Variants in MIPOL1 observed in about 807,000 individuals in gnomAD.
The protein encoded by MIPOL1 is mirror-image polydactyly 1.
Under a neutral mutation model 60.9 loss-of-function variants are expected in MIPOL1, and 57 were observed. That is an observed-to-expected ratio of 0.94 (90% CI 0.76 to 1.17). MIPOL1 has a LOEUF of 1.17. MIPOL1 is among the 50% of genes most tolerant of loss of function. The probability of loss-of-function intolerance (pLI) is 0.00; values close to 1 mark genes in which losing one functional copy is unlikely to be tolerated. For missense variants in MIPOL1, 551 were observed against 511.6 expected (o/e 1.08, Z -0.74); for synonymous variants, 179 against 168.8 (o/e 1.06, Z -0.47).
At chr14:37,396,490 C>T (rs2093374331) in intron 10 of MIPOL1, among the ~76,000 whole-genome samples, 1 of 152,002 alleles carries the variant, frequency 6.6e-6, no homozygotes, top group Non-Finnish European at 1.5e-5. Context: ...CCAGATGTTC[C>T]TTGTGCTTCT....
At chr14:37,453,568 AT>A (rs891958429) in intron 11 of MIPOL1, among the ~76,000 whole-genome samples, 102 of 152,138 alleles carry the variant, frequency 6.7e-4, no homozygotes, top group African/African-American at 2.3e-3. Context: ...GTTTAGCTCC[AT>A]TTTTTCATTT....
intron 11 of MIPOL1, among the ~76,000 whole-genome samples, chr14:37,458,521 A>T (rs1018127122): frequency 1.3e-5 from 2 of 152,174 alleles, no homozygotes; most frequent in African/African-American, 4.8e-5. Context: ...AAGAGGAACT[A>T]TCAAAACTAT....
chr14:37,533,130 A>C (rs1345729644), intron 12 of MIPOL1, among the ~76,000 whole-genome samples: 6 of 152,120 alleles, frequency 3.9e-5, no homozygotes, highest in African/African-American at 1.4e-4. Flanking sequence ...CTGCCTTTTC[A>C]TGGTTATATA....
chr14:37,336,363 C>A (rs1025255960), intron 9 of MIPOL1, among the ~76,000 whole-genome samples: 1 of 149,284 alleles, frequency 6.7e-6, no homozygotes, highest in African/African-American at 2.4e-5. Context: ...TGTTATCATT[C>A]TCTTTTATTA....
chr14:37,427,796 T>C (rs1439949666), intron 11 of MIPOL1, among the ~76,000 whole-genome samples: 4 of 152,220 alleles, frequency 2.6e-5, no homozygotes, highest in African/African-American at 9.6e-5. Flanking sequence ...ACCTGGTAAA[T>C]GGTGCTTACA....
chr14:37,443,052 A>G (rs904985269), intron 11 of MIPOL1, among the ~76,000 whole-genome samples: 4 of 152,180 alleles, frequency 2.6e-5, no homozygotes, highest in Non-Finnish European at 5.9e-5. Context: ...GCAGACTCAA[A>G]CCTCTTGATT....
chr14:37,258,691 A>C (rs555549278), intron 3 of MIPOL1, among the ~76,000 whole-genome samples: 6 of 152,256 alleles, frequency 3.9e-5, no homozygotes, highest in African/African-American at 1.2e-4. Context: ...TTGCCTTCAT[A>C]TGGTGAAGGA....
intron 12 of MIPOL1, among the ~76,000 whole-genome samples, chr14:37,517,578 G>A (rs770499932): frequency 2.6e-5 from 4 of 152,126 alleles, no homozygotes; most frequent in Non-Finnish European, 4.4e-5. Flanking sequence ...ACCTCCATGC[G>A]TATGAAGCAA....
chr14:37,320,012 C>T (rs1052338537), intron 9 of MIPOL1, among the ~76,000 whole-genome samples: 26 of 152,000 alleles, frequency 1.7e-4, no homozygotes, highest in Admixed American at 6.6e-5. Flanking sequence ...GTGATGTTCC[C>T]TTGTGTGAAT....
intron 9 of MIPOL1, among the ~76,000 whole-genome samples, chr14:37,324,819 G>A (rs2088975790): frequency 6.6e-6 from 1 of 152,070 alleles, no homozygotes; most frequent in African/African-American, 2.4e-5. Context: ...CCCCCATTAA[G>A]TGGCTTTCAT....
At chr14:37,415,628 C>A (rs376106688) in intron 10 of MIPOL1, among the ~76,000 whole-genome samples, 1,776 of 126,366 alleles carry the variant, frequency 0.014, no homozygotes, top group Middle Eastern at 0.016. Context: ...GACTCTGTCT[C>A]AAAAAAAAAA....
At chr14:37,414,887 G>A (rs1245831734) in intron 10 of MIPOL1, among the ~76,000 whole-genome samples, 1 of 152,068 alleles carries the variant, frequency 6.6e-6, no homozygotes, top group Non-Finnish European at 1.5e-5. Context: ...AAAACAAGCA[G>A]AATGAACACT....
At chr14:37,329,587 G>A (rs564043873) in intron 9 of MIPOL1, among the ~76,000 whole-genome samples, 53 of 152,168 alleles carry the variant, frequency 3.5e-4, no homozygotes, top group African/African-American at 1.3e-3. Flanking sequence ...AATTAAGAAT[G>A]AGCACTTAAG....
At chr14:37,515,484 A>G (rs910763602) in intron 12 of MIPOL1, among the ~76,000 whole-genome samples, 2 of 152,134 alleles carry the variant, frequency 1.3e-5, no homozygotes, top group Non-Finnish European at 2.9e-5. Flanking sequence ...TTGGAACGTC[A>G]TCATCTTTTT....
intron 10 of MIPOL1, among the ~76,000 whole-genome samples, chr14:37,414,383 T>C (rs545386679): frequency 3.9e-5 from 6 of 152,202 alleles, no homozygotes; most frequent in Non-Finnish European, 7.3e-5. Flanking sequence ...TCTTCAATTG[T>C]GGGTGAAGTG....
rs537541831 is a variant in MIPOL1, at chr14:37,384,818, A to G, written c.936+15194A>G. The stretch of plus-strand genomic sequence containing the variant: ...ATCCCTGTTTTTTAAGGGCAATTTT[A>G]TACAATTATAAGTAATAGATTGATA... On this transcript the variant is annotated intron_variant, in intron 10 of 12. Coordinates refer to ENST00000684589, the MANE Select transcript of MIPOL1 (RefSeq NM_001388067.1). 3.9e-5 allele frequency among the ~76,000 whole-genome samples: 6 copies of G among 152,150 alleles called. No homozygotes were observed. In the East Asian group the frequency reaches 1.2e-3, roughly 29 times the overall value.
chr14:37,384,718 A>G (rs1162313705), intron 10 of MIPOL1, among the ~76,000 whole-genome samples: 1 of 151,990 alleles, frequency 6.6e-6, no homozygotes, highest in Non-Finnish European at 1.5e-5. Flanking sequence ...ATATGGTGAA[A>G]TATAAAGAAT....
At chr14:37,270,015 G>T (rs2083173255) in intron 5 of MIPOL1, among the ~76,000 whole-genome samples, 1 of 151,998 alleles carries the variant, frequency 6.6e-6, no homozygotes, top group Admixed American at 6.6e-5. Context: ...TTTTAGTAGA[G>T]ACGGGGTTTC....
chr14:37,452,899 C>G (rs1311302306), intron 11 of MIPOL1, among the ~76,000 whole-genome samples: 1 of 152,170 alleles, frequency 6.6e-6, no homozygotes, highest in Non-Finnish European at 1.5e-5. Flanking sequence ...TGTCAAGTAG[C>G]AGGATGTTCA....
Sources: allele counts gnomAD v4.1 joint callset (sites outside exome capture counted in the v4.1 genomes callset), GRCh38; gene constraint gnomAD v4.1.1; transcripts MANE v1.5; gene names NCBI Gene and HGNC (gene_info 2026-07-23, HGNC 2026-07-21).